TAFA5: variants seen among roughly 807,000 people sequenced by gnomAD.
The protein encoded by TAFA5 is TAFA chemokine like family member 5.
TAFA5 carries 6 observed loss-of-function variants against 15.3 expected under a neutral mutation model. The ratio of observed to expected loss-of-function variants is 0.39; its 90% CI spans 0.21 to 0.77. The LOEUF (loss-of-function observed/expected upper bound fraction) is 0.77, where lower values mean the gene tolerates loss of function less well. TAFA5 is among the 30% of genes least tolerant of loss of function. The pLI is 0.41. For missense variants in TAFA5, 161 were observed against 193.1 expected (o/e 0.83, Z 0.98); for synonymous variants, 103 against 80.7 (o/e 1.28, Z -1.48).
At chr22:48,509,827 T>C (rs1921144296) in intron 1 of TAFA5, among the ~76,000 whole-genome samples, 1 of 151,532 alleles carries the variant, frequency 6.6e-6, no homozygotes. Flanking sequence ...GGCGGGCGCC[T>C]GTAGTCCCAG....
chr22:48,530,910 TGACA>T lies in TAFA5; in HGVS notation c.112+41210_112+41213del, dbSNP rs1013511013. On this transcript the variant is annotated intron_variant, in intron 1 of 3. Transcript: ENST00000402357. This position sits in a 1 kb window ranked among gnomAD's most constrained non-coding sequence, Gnocchi z 6.0. ...AAGTGGCTGAGATGTCACAGTGACA[TGACA>T]GACTGAGCTTCCACTGTACAGGGAC... Among the ~76,000 whole-genome samples, 7 of 152,148 alleles carry T rather than the reference TGACA, an allele frequency of 4.6e-5. No homozygotes were observed. The highest frequency in any genetic ancestry group is 1.7e-4 in the African/African-American group (7 of 41,420).
chr22:48,647,053 GAGA>G (rs965481440), intron 2 of TAFA5, among the ~76,000 whole-genome samples: 3 of 152,184 alleles, frequency 2.0e-5, no homozygotes, highest in Admixed American at 2.0e-4. Flanking sequence ...TCTGGGAGAG[GAGA>G]AGGACAGCAG....
intron 1 of TAFA5, among the ~76,000 whole-genome samples, chr22:48,645,231 C>T (rs2147201274): frequency 6.6e-6 from 1 of 152,256 alleles, no homozygotes; most frequent in Non-Finnish European, 1.5e-5. Flanking sequence ...GGACAAGCTC[C>T]ATCCTGCCCT....
intron 1 of TAFA5, among the ~76,000 whole-genome samples, chr22:48,574,571 AAGG>A (rs1395895398): frequency 6.6e-6 from 1 of 152,146 alleles, no homozygotes; most frequent in Non-Finnish European, 1.5e-5. Context: ...ATACTGGTGC[AAGG>A]AGGAGACAGC....
chr22:48,583,167 A>G (rs1175718154), intron 1 of TAFA5, among the ~76,000 whole-genome samples: 2 of 149,044 alleles, frequency 1.3e-5, no homozygotes, highest in African/African-American at 5.0e-5. Context: ...AATATACCAC[A>G]CACCACACAC....
chr22:48,493,853 T>C (rs1384667450), intron 1 of TAFA5, among the ~76,000 whole-genome samples: 1 of 152,224 alleles, frequency 6.6e-6, no homozygotes, highest in African/African-American at 2.4e-5. Context: ...CCAGCGGCTC[T>C]AGACAGTGCC....
intron 1 of TAFA5, among the ~76,000 whole-genome samples, chr22:48,540,469 C>T (rs1035984923): frequency 6.6e-6 from 1 of 152,216 alleles, no homozygotes; most frequent in Non-Finnish European, 1.5e-5. Flanking sequence ...GCTCCAGTCC[C>T]TGGTCCCCTG....
In TAFA5 at chr22:48,533,484, C is replaced by T. The variant is rs532257695; in HGVS notation, c.112+43780C>T. 1.8e-4 allele frequency among the ~76,000 whole-genome samples: 27 copies of T among 152,340 alleles called. No homozygotes were observed. The South Asian group carries it at 2.1e-3, about 12-fold the overall frequency. ...CTTGGCCTCCAGGCTGCAAGTCTGA[C>T]GTCCAGCTAGGGCCTTGCCCATCAG... On this transcript the variant is annotated intron_variant, in intron 1 of 3. Coordinates refer to ENST00000402357, the MANE Select transcript of TAFA5 (RefSeq NM_001082967.3).
At chr22:48,617,459 G>A (rs1442760331) in intron 1 of TAFA5, among the ~76,000 whole-genome samples, 1 of 152,204 alleles carries the variant, frequency 6.6e-6, no homozygotes, top group East Asian at 1.9e-4. Context: ...TCGGGGCCTG[G>A]TTTGAGGCCA....
intron 1 of TAFA5, among the ~76,000 whole-genome samples, chr22:48,618,476 G>C (rs1569050054): frequency 6.6e-6 from 1 of 152,232 alleles, no homozygotes; most frequent in African/African-American, 2.4e-5. Context: ...AGTTGCCGGG[G>C]ATGGCTTTGC....
chr22:48,522,930 G>A (rs371335959), intron 1 of TAFA5, among the ~76,000 whole-genome samples: 1 of 152,226 alleles, frequency 6.6e-6, no homozygotes, highest in Non-Finnish European at 1.5e-5. Context: ...TGGGGCTGCT[G>A]AGCACAGGGC....
At chr22:48,519,776 C>T (rs1190721165) in intron 1 of TAFA5, among the ~76,000 whole-genome samples, 1 of 152,134 alleles carries the variant, frequency 6.6e-6, no homozygotes, top group Admixed American at 6.6e-5. Flanking sequence ...GTGAGCCGAG[C>T]AGGTCCCGTA....
In TAFA5 at chr22:48,612,465, G is replaced by A. The variant is rs142221324; in HGVS notation, c.113-34132G>A. On this transcript the variant is annotated intron_variant, in intron 1 of 3. Coordinates refer to ENST00000402357, the MANE Select transcript of TAFA5 (RefSeq NM_001082967.3). ...AGGTGTCCCTATAGCACGCCCACCTGTTGCCTTCCCTGGGGCCCTGTCCCT... is the reference window on the plus strand; with the variant it reads ...AGGTGTCCCTATAGCACGCCCACCTATTGCCTTCCCTGGGGCCCTGTCCCT... Among the ~76,000 whole-genome samples, 402 of 152,184 alleles carry A rather than the reference G, an allele frequency of 2.6e-3. 1 individual carries two copies. Among genetic ancestry groups the A allele is most frequent in the Non-Finnish European group, 4.7e-3 (319 of 67,992 alleles).
chr22:48,594,519 T>C (rs1924690994), intron 1 of TAFA5, among the ~76,000 whole-genome samples: 1 of 152,184 alleles, frequency 6.6e-6, no homozygotes, highest in African/African-American at 2.4e-5. Flanking sequence ...GGACATAGCC[T>C]GAAAACAGGG....
intron 1 of TAFA5, among the ~76,000 whole-genome samples, chr22:48,573,916 G>A (rs1923671034): frequency 6.6e-6 from 1 of 152,166 alleles, no homozygotes. Context: ...TCCCTTTGGG[G>A]GCCAGGGGTG....
At chr22:48,700,588 G>T (rs749807545) in intron 2 of TAFA5, among the ~76,000 whole-genome samples, 31 of 150,314 alleles carry the variant, frequency 2.1e-4, no homozygotes, top group Non-Finnish European at 4.0e-4. Flanking sequence ...TCTCCCTCGG[G>T]AGTGGGGGTG....
At chr22:48,738,839 G>A (rs952624004) in intron 3 of TAFA5, among the ~76,000 whole-genome samples, 10 of 152,152 alleles carry the variant, frequency 6.6e-5, no homozygotes, top group Admixed American at 2.0e-4. Flanking sequence ...CAGGCAGCCC[G>A]ACATGGCACC....
chr22:48,705,107 C>T (rs557528670), intron 2 of TAFA5, among the ~76,000 whole-genome samples: 117 of 152,304 alleles, frequency 7.7e-4, no homozygotes, highest in African/African-American at 2.8e-3. Context: ...CTTCTGAAGG[C>T]CCCATCTCCA....
intron 1 of TAFA5, among the ~76,000 whole-genome samples, chr22:48,491,667 C>T (rs1189007209): frequency 6.6e-6 from 1 of 152,262 alleles, no homozygotes; most frequent in Non-Finnish European, 1.5e-5. Flanking sequence ...CTCTCCCACC[C>T]TGCGCTGCAT....
Sources: gnomAD v4.1 joint callset for allele counts (sites outside exome capture counted in the v4.1 genomes callset) on GRCh38, gnomAD v4.1.1 for gene constraint, Gnocchi (gnomAD v3.1) non-coding constraint, MANE v1.5 for transcripts, NCBI Gene and HGNC (gene_info 2026-07-23, HGNC 2026-07-21) for gene names.